Variants in C1orf94 observed in about 807,000 individuals in gnomAD.
The protein encoded by C1orf94 is chromosome 1 open reading frame 94, also known as uncharacterized protein C1orf94.
In C1orf94, 45 loss-of-function variants were observed where a neutral mutation model predicts 53.6. The observed-to-expected ratio is 0.84, with a 90% CI of 0.66 to 1.08. The LOEUF is 1.08. Among genes scored for constraint, C1orf94 ranks in the 50% least tolerant of loss-of-function variants. The probability of loss-of-function intolerance (pLI) is 0.00; values close to 1 mark genes in which losing one functional copy is unlikely to be tolerated. For synonymous variants in C1orf94, 304 were observed against 296.1 expected (o/e 1.03, Z -0.27); for missense variants, 762 against 738.9 (o/e 1.03, Z -0.36).
chr1:34,185,191 TA>T (rs1489240777), intron 1 of C1orf94, among the ~76,000 whole-genome samples: 1 of 152,170 alleles, frequency 6.6e-6, no homozygotes, highest in African/African-American at 2.4e-5. Flanking sequence ...AATTTATTTT[TA>T]TTTTTTAGAT....
intron 6 of C1orf94, among the ~76,000 whole-genome samples, chr1:34,215,121 T>C (rs190216305): frequency 6.6e-6 from 1 of 152,030 alleles, no homozygotes; most frequent in Admixed American, 6.5e-5. Context: ...GGATATGGGT[T>C]GGGGTGGGGA....
chr1:34,174,125 G>A (rs1056145513), upstream of C1orf94, among the ~76,000 whole-genome samples: 4 of 152,252 alleles, frequency 2.6e-5, no homozygotes, highest in African/African-American at 7.2e-5. Flanking sequence ...GCTCAAAAAT[G>A]AACAAAGCCT....
At position 34,212,363 on chromosome 1, in the gene C1orf94, A is replaced by G. The variant is rs748950564; in HGVS notation, c.1678A>G (p.Met560Val). The G allele has an allele frequency of 1.1e-5, 17 of 1,613,106 alleles. No homozygotes were observed. The highest frequency in any genetic ancestry group is 1.3e-5 in the Non-Finnish European group (15 of 1,179,626). Residue 560 changes from methionine to valine, a missense_variant, in exon 6 of 7, where the codon ATG (methionine) becomes GTG (valine). Transcript: ENST00000488417. ...MSANPRDPPL[M>V]AGDGPQYLFP... ...TGCCAACCCCCGAGACCCTCCCCTA[A>G]TGGCAGGAGATGGACCGCAGTACCT...
chr1:34,217,733 C>T (rs943569828), intron 6 of C1orf94, among the ~76,000 whole-genome samples: 2 of 152,208 alleles, frequency 1.3e-5, no homozygotes, highest in Non-Finnish European at 2.9e-5. Context: ...TCCATTGCTT[C>T]TTCCCTCCTC....
At chr1:34,212,848 G>A (rs1642919328) in intron 6 of C1orf94, among the ~76,000 whole-genome samples, 1 of 152,076 alleles carries the variant, frequency 6.6e-6, no homozygotes, top group Non-Finnish European at 1.5e-5. Context: ...ACTTTGTGAT[G>A]GGCCCTGCGG....
chr1:34,197,893 T>C lies in C1orf94; in HGVS notation c.989T>C (p.Val330Ala). 6.2e-7 allele frequency: 1 copy of C among 1,613,780 alleles called. No individual in the cohort carries two copies. ...ICSKPKADPAVERHHLMEWSP... is the reference protein window; with the variant it reads ...ICSKPKADPAAERHHLMEWSP... Reference sequence around the variant, plus strand: ...TCCAAGCCCAAGGCTGACCCTGCTGTGGAGAGGCACCACTTGATGGGTGAG... The same window carrying C: ...TCCAAGCCCAAGGCTGACCCTGCTGCGGAGAGGCACCACTTGATGGGTGAG... Residue 330 changes from valine (V) to alanine (A), a missense_variant, in exon 2 of 7, where the codon GTG (valine) becomes GCG (alanine). Transcript: ENST00000488417. The surrounding 1 kb of genome is among the most constrained non-coding windows in gnomAD (Gnocchi z 4.1).
rs898559855 is a variant in C1orf94 at position 34,208,434 on chromosome 1, G to A, written c.1524+200G>A. Among the ~76,000 whole-genome samples the A allele has an allele frequency of 3.9e-5, 6 of 152,164 alleles. No homozygotes were observed. In the East Asian group the frequency reaches 1.2e-3, roughly 29 times the overall value. On this transcript the variant is annotated intron_variant, in intron 5 of 6. Transcript: ENST00000488417. ...ATGTGACAACACTGGGCACTTAATG[G>A]AGCCCTTCCTGTGTGCTGGGCCTGT...
At chr1:34,174,235 T>A (rs1479131279), upstream of C1orf94, among the ~76,000 whole-genome samples, 3 of 152,232 alleles carry the variant, frequency 2.0e-5, no homozygotes, top group Admixed American at 1.3e-4. Flanking sequence ...CAAAAGCTGC[T>A]ATTCAGAAAC....
chr1:34,208,323 G>T, intron 5 of C1orf94, 89 bp downstream of exon 5: 3 of 1,336,938 alleles, frequency 2.2e-6, no homozygotes, highest in Non-Finnish European at 3.1e-6. Flanking sequence ...TTTTCCAGCT[G>T]GTGACCAGAC....
chr1:34,207,052 T>A lies in C1orf94; in HGVS notation c.1447-1105T>A, dbSNP rs78108852. ...GGCCATGAGGGAACCCTCAAGGGTG[T>A]AGGGTCAGCCATCATCAACACTTTG... On this transcript the variant is annotated intron_variant, in intron 4 of 6. Transcript: ENST00000488417. Among the ~76,000 whole-genome samples, 896 of 152,164 alleles carry A rather than the reference T, an allele frequency of 5.9e-3. 5 individuals are homozygous for A. The highest frequency in any genetic ancestry group is 0.021 in the African/African-American group (864 of 41,518).
intron 6 of C1orf94, among the ~76,000 whole-genome samples, chr1:34,217,317 A>C (rs553510291): frequency 2.6e-5 from 4 of 152,126 alleles, no homozygotes; most frequent in African/African-American, 9.7e-5. Context: ...AACCTGGAGG[A>C]CCTAGCTGCA....
At position 34,213,403 on chromosome 1, in the gene C1orf94, G is replaced by C. The variant is rs112911521; in HGVS notation, c.1721+997G>C. Among the ~76,000 whole-genome samples the C allele has an allele frequency of 7.0e-3, 1,064 of 152,294 alleles. 8 individuals carry two copies. The highest frequency in any genetic ancestry group is 0.024 in the South Asian group (114 of 4,824). ...CAGATCTGTTTGGGAAAAGCTGTGGGAAACAGAGATAAACAGATTTCTTAA... is the reference window on the plus strand; with the variant it reads ...CAGATCTGTTTGGGAAAAGCTGTGGCAAACAGAGATAAACAGATTTCTTAA... On this transcript the variant is annotated intron_variant, in intron 6 of 6. Coordinates refer to ENST00000488417, the MANE Select transcript of C1orf94 (RefSeq NM_001134734.2).
At chr1:34,214,135 T>G (rs983443717) in intron 6 of C1orf94, among the ~76,000 whole-genome samples, 1 of 152,132 alleles carries the variant, frequency 6.6e-6, no homozygotes, top group Non-Finnish European at 1.5e-5. Context: ...ACCATCAAAG[T>G]GGCCCGAGGA....
rs1369996424 is a variant in C1orf94, at chr1:34,197,465, G to A, written c.561G>A (p.Gln187=). The A allele has an allele frequency of 6.2e-7, 1 of 1,614,124 alleles. No individual in the cohort carries two copies. Among genetic ancestry groups the A allele is most frequent in the Non-Finnish European group, 8.5e-7 (1 of 1,180,000 alleles). The stretch of plus-strand genomic sequence containing the variant: ...TTGTCGGAGACAAGCTTCTGAAGCA[G>A]AAGGTGGCCATGCCCGTTATCAGCA... ...SIIVGDKLLK[Q]KVAMPVISSR... The change falls in exon 2 of 7, where the codon CAG becomes CAA. Residue 187 remains glutamine, a synonymous_variant. Transcript: ENST00000488417. The surrounding 1 kb of genome is among the most constrained non-coding windows in gnomAD (Gnocchi z 4.1).
rs897719055 is a variant in C1orf94 at position 34,207,010 on chromosome 1, A to G, written c.1447-1147A>G. 2.6e-5 allele frequency among the ~76,000 whole-genome samples: 4 copies of G among 152,294 alleles called. No individual in the cohort carries two copies. The South Asian group carries it at 6.2e-4, about 24-fold the overall frequency. On this transcript the variant is annotated intron_variant, in intron 4 of 6. Coordinates refer to ENST00000488417, the MANE Select transcript of C1orf94 (RefSeq NM_001134734.2). ...GCAGGGAGACCTACTTGCAGACTCCATATCAGAAAGTCCACAGGCCATGAG... is the reference window on the plus strand; with the variant it reads ...GCAGGGAGACCTACTTGCAGACTCCGTATCAGAAAGTCCACAGGCCATGAG...
Position 34,177,665 on chromosome 1 carries a change from C to A in C1orf94, c.-125C>A. On this transcript the variant is annotated 5_prime_UTR_variant, in exon 1 of 7. It adds an upstream start codon to the 5' untranslated region. Coordinates refer to ENST00000488417, the MANE Select transcript of C1orf94 (RefSeq NM_001134734.2). ...AAGCCCTCCCCTCCCCAAAAGAAAGCTGTCCTCCACCCACCCCTCCCACAC... is the reference window on the plus strand; with the variant it reads ...AAGCCCTCCCCTCCCCAAAAGAAAGATGTCCTCCACCCACCCCTCCCACAC... The A allele has an allele frequency of 2.4e-6, 2 of 826,252 alleles. No individual in the cohort carries two copies. The highest frequency in any genetic ancestry group is 2.7e-5 in the East Asian group (1 of 36,954). The allele number at this position is 826,252 out of a possible 1,614,324, so 51.2% of individuals were successfully genotyped here.
At chr1:34,199,987 C>T (rs143226708) in intron 2 of C1orf94, among the ~76,000 whole-genome samples, 15 of 152,318 alleles carry the variant, frequency 9.8e-5, no homozygotes, top group African/African-American at 2.4e-4. Context: ...TTCCCTCTGC[C>T]ACCTCATGGT....
At chr1:34,194,806 T>G (rs1349859708) in intron 1 of C1orf94, among the ~76,000 whole-genome samples, 1 of 152,184 alleles carries the variant, frequency 6.6e-6, no homozygotes, top group Non-Finnish European at 1.5e-5. Flanking sequence ...TTGACCTAAT[T>G]GTACTGTGTC....
chr1:34,179,401 C>T (rs546629168), intron 1 of C1orf94, among the ~76,000 whole-genome samples: 1 of 152,378 alleles, frequency 6.6e-6, no homozygotes, highest in East Asian at 1.9e-4. Context: ...GCTCTGCTCT[C>T]AATGGCCAAG....
Sources: allele counts gnomAD v4.1 joint callset (sites outside exome capture counted in the v4.1 genomes callset), GRCh38; gene constraint gnomAD v4.1.1; non-coding constraint Gnocchi (gnomAD v3.1); transcripts MANE v1.5; gene names NCBI Gene and HGNC (gene_info 2026-07-23, HGNC 2026-07-21).